The following RAVER2 variants were observed in gnomAD, a reference collection of about 807,000 sequenced individuals.
The protein encoded by RAVER2 is ribonucleoprotein PTB-binding 2.
Under a neutral mutation model 78.1 loss-of-function variants are expected in RAVER2, and 46 were observed. The ratio of observed to expected loss-of-function variants is 0.59; its 90% CI spans 0.46 to 0.75. The LOEUF is 0.75. Among genes scored for constraint, RAVER2 ranks in the 30% least tolerant of loss-of-function variants. The pLI is 0.00. For synonymous variants in RAVER2, 311 were observed against 313.3 expected (o/e 0.99, Z 0.08); for missense variants, 793 against 837.5 (o/e 0.95, Z 0.66).
At chr1:64,781,337 A>G (rs1236821826) in intron 3 of RAVER2, 43 bp from the exon 4 acceptor site, 3 of 1,445,910 alleles carry the variant, frequency 2.1e-6, no homozygotes, top group Non-Finnish European at 2.8e-6. Context: ...AATGTTTCTA[A>G]GTAAAGATCG....
chr1:64,783,075 G>T (rs1264288078), intron 4 of RAVER2, among the ~76,000 whole-genome samples: 1 of 152,084 alleles, frequency 6.6e-6, no homozygotes, highest in African/African-American at 2.4e-5. Context: ...CTTTTTTATG[G>T]CTGCGTAGTA....
At chr1:64,753,414 A>G (rs1368271524) in intron 1 of RAVER2, among the ~76,000 whole-genome samples, 1 of 151,970 alleles carries the variant, frequency 6.6e-6, no homozygotes, top group Admixed American at 6.6e-5. Flanking sequence ...ATCCTATTCC[A>G]TCTTCAGACA....
rs540833221 is a variant in RAVER2 at position 64,777,074 on chromosome 1, A to G, written c.317-549A>G. On this transcript the variant is annotated intron_variant, in intron 2 of 11. Coordinates refer to ENST00000294428, the Ensembl canonical transcript of RAVER2. ...TGTTATGTCAATCTAATCTGATATT[A>G]AGGAAATATATACATGAATTGGAGA... Among the ~76,000 whole-genome samples the G allele has an allele frequency of 2.0e-5, 3 of 152,316 alleles. No homozygotes were observed. In the South Asian group the frequency reaches 6.2e-4, roughly 32 times the overall value.
chr1:64,804,906 G>C, intron 7 of RAVER2, 68 bp downstream of exon 7: 2 of 1,511,672 alleles, frequency 1.3e-6, no homozygotes, highest in Admixed American at 1.8e-5. Flanking sequence ...CTGTGGATCA[G>C]GTTGTTTATG....
chr1:64,747,091 A>G (rs548259466), intron 1 of RAVER2, among the ~76,000 whole-genome samples: 1 of 152,348 alleles, frequency 6.6e-6, no homozygotes, highest in East Asian at 1.9e-4. Flanking sequence ...CGCAATAGAC[A>G]TGAAAAATAT....
At chr1:64,781,715 T>TA (rs1360716101) in intron 4 of RAVER2, 144 bp downstream of exon 4, 7 of 832,794 alleles carry the variant, frequency 8.4e-6, no homozygotes, top group Non-Finnish European at 1.0e-5. Context: ...TCCTTTTTTT[T>TA]AAAAAAGGTT....
intron 1 of RAVER2, among the ~76,000 whole-genome samples, chr1:64,763,739 T>TA (rs965310116): frequency 7.3e-5 from 11 of 151,364 alleles, no homozygotes; most frequent in South Asian, 4.2e-4. Flanking sequence ...CTGTCTCTAC[T>TA]AAAAAAAACA....
At chr1:64,789,343 G>T in intron 4 of RAVER2, 45 bp from the exon 5 acceptor site, 3 of 1,503,000 alleles carry the variant, frequency 2.0e-6, no homozygotes, top group Non-Finnish European at 2.7e-6. Flanking sequence ...TTGTGTCTTT[G>T]TACTTATGCT....
intron 11 of RAVER2, among the ~76,000 whole-genome samples, chr1:64,823,311 C>G (rs1044244890): frequency 1.3e-5 from 2 of 152,094 alleles, no homozygotes; most frequent in Non-Finnish European, 2.9e-5. Flanking sequence ...ATGGACTACC[C>G]CTTCCATTTC....
In RAVER2 at chr1:64,746,876, T is replaced by A. The variant is rs191321513; in HGVS notation, c.249+1455T>A. ...GCTTGGAAGAAGCAGATGGCATTTT[T>A]TAAAAAAACAAATTTAAAAAATAGC... On this transcript the variant is annotated intron_variant, in intron 1 of 11. Transcript: ENST00000294428. Among the ~76,000 whole-genome samples, 1,316 of 152,054 alleles carry A rather than the reference T, an allele frequency of 8.7e-3. 25 individuals carry two copies. The highest frequency in any genetic ancestry group is 0.03 in the African/African-American group (1,264 of 41,468).
chr1:64,775,809 A>C (rs899162029), intron 2 of RAVER2, among the ~76,000 whole-genome samples: 29 of 152,136 alleles, frequency 1.9e-4, no homozygotes, highest in African/African-American at 6.8e-4. Flanking sequence ...ACTTGAGGTC[A>C]GGAGTTCGAG....
intron 11 of RAVER2, chr1:64,816,408 G>T (rs1653758105): frequency 6.6e-6 from 1 of 152,152 alleles, no homozygotes; most frequent in South Asian, 2.1e-4. Flanking sequence ...CATAAAATGG[G>T]ATTTGTTCTC....
In RAVER2 at chr1:64,829,288, TCC is replaced by T. The variant is rs966326468; in HGVS notation, c.1930-1549_1930-1548del. ...GTGAGAAGAGCAGGAGCATCCCAGA[TCC>T]CAGAGTGAGCAGTCTGCTTCCCTCC... On this transcript the variant is annotated intron_variant, in intron 11 of 11. Coordinates refer to ENST00000294428, the Ensembl canonical transcript of RAVER2. Among the ~76,000 whole-genome samples the T allele has an allele frequency of 1.3e-4, 20 of 152,264 alleles. 1 individual carries two copies. In the East Asian group the frequency reaches 1.9e-3, roughly 15 times the overall value.
chr1:64,830,468 T>C (rs182917974), intron 11 of RAVER2, among the ~76,000 whole-genome samples: 30 of 152,340 alleles, frequency 2.0e-4, no homozygotes, highest in African/African-American at 7.2e-4. Context: ...CAGCTTGATG[T>C]CTTAGCCACT....
chr1:64,825,645 G>A (rs1283251121), intron 11 of RAVER2, among the ~76,000 whole-genome samples: 2 of 152,094 alleles, frequency 1.3e-5, no homozygotes, highest in Non-Finnish European at 2.9e-5. Flanking sequence ...TCTTACGATG[G>A]CTTTGAAAAC....
At position 64,760,085 on chromosome 1, in the gene RAVER2, GC is replaced by G. The variant is rs1651979039; in HGVS notation, c.250-8570del. Among the ~76,000 whole-genome samples, 12 of 150,284 alleles carry G rather than the reference GC, an allele frequency of 8.0e-5. No homozygotes were observed. The South Asian group carries it at 2.5e-3, about 32-fold the overall frequency. ...AGCAGTTAAAATATGGATGATAGCT[GC>G]TGTAAGGGTTGTGATGTGGAAAAAA... On this transcript the variant is annotated intron_variant, in intron 1 of 11. Transcript: ENST00000294428.
In RAVER2 at chr1:64,814,925, T is replaced by C. The variant is rs74722288; in HGVS notation, c.1929+85T>C. ...TCACTGAATATGAAATTGTGATTTC[T>C]ATATTATTAACGTAGGCAAATCAAA... On this transcript the variant is annotated intron_variant, in intron 11 of 11. Transcript: ENST00000294428. The C allele has an allele frequency of 4.4e-3, 5,334 of 1,218,358 alleles. 208 individuals are homozygous for C. In the African/African-American group the frequency reaches 0.075, roughly 17 times the overall value. 75.5% of individuals were successfully genotyped at this position (1,218,358 alleles called of 1,614,324 possible).
intron 11 of RAVER2, among the ~76,000 whole-genome samples, chr1:64,821,987 A>G (rs1653899954): frequency 6.6e-6 from 1 of 152,208 alleles, no homozygotes; most frequent in Admixed American, 6.5e-5. Context: ...TGTCTCAGGA[A>G]CTTTTAAAAA....
intron 5 of RAVER2, among the ~76,000 whole-genome samples, chr1:64,797,930 T>C (rs1653141763): frequency 2.0e-5 from 3 of 151,944 alleles, no homozygotes; most frequent in Non-Finnish European, 2.9e-5. Flanking sequence ...TTTTCTTTTT[T>C]TTTTTATTAT....
Sources: gnomAD v4.1 joint callset for allele counts (sites outside exome capture counted in the v4.1 genomes callset) on GRCh38, gnomAD v4.1.1 for gene constraint, MANE v1.5 for transcripts, NCBI Gene and HGNC (gene_info 2026-07-23, HGNC 2026-07-21) for gene names.